DTNBP1: variants seen among roughly 807,000 people sequenced by gnomAD.
The protein encoded by DTNBP1 is dystrobrevin binding protein 1, also known as dysbindin.
A neutral mutation model predicts 42.8 loss-of-function variants in DTNBP1; 35 were observed. The ratio of observed to expected loss-of-function variants is 0.82; its 90% CI spans 0.63 to 1.09. The LOEUF is 1.09. Among genes scored for constraint, DTNBP1 ranks in the 50% least tolerant of loss-of-function variants. The pLI, the probability that DTNBP1 is intolerant of heterozygous loss-of-function variation, is 0.00. For missense variants in DTNBP1, 457 were observed against 424.2 expected, an observed-to-expected ratio of 1.08 and a Z score of -0.68; for synonymous variants, 171 against 162.2, an observed-to-expected ratio of 1.05 and a Z score of -0.41.
intron 6 of DTNBP1, among the ~76,000 whole-genome samples, chr6:15,601,869 A>AG (rs1244419147): frequency 1.3e-5 from 2 of 151,686 alleles, no homozygotes; most frequent in African/African-American, 4.8e-5. Flanking sequence ...AAAAAGAAAA[A>AG]AAAAAAAAGG....
At chr6:15,652,284 A>T (rs1262066524) in intron 1 of DTNBP1, 144 bp from the exon 2 acceptor site, 1 of 581,170 alleles carries the variant, frequency 1.7e-6, no homozygotes, top group African/African-American at 1.9e-5. Flanking sequence ...GGCCCAAGTG[A>T]TCCTCCCACC....
intron 8 of DTNBP1, among the ~76,000 whole-genome samples, chr6:15,525,526 G>A (rs942966972): frequency 9.9e-5 from 15 of 152,174 alleles, no homozygotes; most frequent in Non-Finnish European, 1.6e-4. Flanking sequence ...CATCATCCTC[G>A]CTGAAGAATA....
chr6:15,560,088 A>C (rs1774756544), intron 7 of DTNBP1, among the ~76,000 whole-genome samples: 1 of 152,198 alleles, frequency 6.6e-6, no homozygotes, highest in South Asian at 2.1e-4. Flanking sequence ...CAGGCGGATC[A>C]CATGGTCAGG....
chr6:15,619,818 T>C (rs935765228), intron 5 of DTNBP1, among the ~76,000 whole-genome samples: 3 of 152,220 alleles, frequency 2.0e-5, no homozygotes, highest in Admixed American at 2.0e-4. Flanking sequence ...AACAATCCAA[T>C]TACATTCTTT....
intron 5 of DTNBP1, among the ~76,000 whole-genome samples, chr6:15,623,181 T>A (rs947714233): frequency 6.6e-6 from 1 of 152,228 alleles, no homozygotes; most frequent in Non-Finnish European, 1.5e-5. Context: ...TTGAAGGGTC[T>A]AGCCTCAGAA....
At chr6:15,625,813 T>C (rs138645265) in intron 5 of DTNBP1, among the ~76,000 whole-genome samples, 13 of 152,302 alleles carry the variant, frequency 8.5e-5, no homozygotes, top group Non-Finnish European at 1.6e-4. Flanking sequence ...CTCAAAGAGA[T>C]ACAGGAAGAT....
chr6:15,601,028 A>G (rs1318703685), intron 6 of DTNBP1, among the ~76,000 whole-genome samples: 1 of 152,224 alleles, frequency 6.6e-6, no homozygotes. Flanking sequence ...CCAAGACCAG[A>G]GCACAAGTGA....
intron 7 of DTNBP1, chr6:15,545,936 G>A: frequency 2.7e-6 from 1 of 373,370 alleles, no homozygotes; most frequent in South Asian, 2.0e-5. Flanking sequence ...TCTGACTGCA[G>A]GGCCAGCTCA....
At chr6:15,652,839 C>G (rs1289343103) in intron 1 of DTNBP1, among the ~76,000 whole-genome samples, 1 of 152,146 alleles carries the variant, frequency 6.6e-6, no homozygotes, top group Non-Finnish European at 1.5e-5. Context: ...CCAGTCTGGT[C>G]TCTATCTCCT....
chr6:15,585,731 G>T, intron 7 of DTNBP1: 13 of 1,535,260 alleles, frequency 8.5e-6, no homozygotes, highest in Non-Finnish European at 1.1e-5. Flanking sequence ...GGATCCCTCT[G>T]ACTATTTTCG....
At chr6:15,606,321 T>C (rs969483272) in intron 6 of DTNBP1, among the ~76,000 whole-genome samples, 14 of 152,246 alleles carry the variant, frequency 9.2e-5, no homozygotes, top group African/African-American at 3.4e-4. Flanking sequence ...AAATATCATA[T>C]ATCCATTTGA....
chr6:15,537,230 C>A (rs944935252), intron 7 of DTNBP1, among the ~76,000 whole-genome samples: 1 of 151,986 alleles, frequency 6.6e-6, no homozygotes, highest in African/African-American at 2.4e-5. Context: ...ACCAGCCTGA[C>A]TAACATGGTG....
At chr6:15,524,819 C>G (rs749291632) in intron 8 of DTNBP1, 150 bp from the exon 9 acceptor site, 3 of 1,210,142 alleles carry the variant, frequency 2.5e-6, no homozygotes, top group Non-Finnish European at 3.5e-6. Flanking sequence ...TGACATATGC[C>G]AGTCTGGCAC....
At chr6:15,547,394 T>C (rs987258370) in intron 7 of DTNBP1, among the ~76,000 whole-genome samples, 10 of 152,306 alleles carry the variant, frequency 6.6e-5, no homozygotes, top group Non-Finnish European at 5.9e-5. Flanking sequence ...AAACCCCAGG[T>C]AATGCTGACA....
intron 7 of DTNBP1, among the ~76,000 whole-genome samples, chr6:15,569,353 A>ACAC (rs1775237896): frequency 7.9e-6 from 1 of 127,172 alleles, no homozygotes; most frequent in Admixed American, 8.4e-5. Context: ...GCCAGTTAAG[A>ACAC]CCCCCCCCCG....
At chr6:15,591,208 C>T (rs1776285431) in intron 7 of DTNBP1, among the ~76,000 whole-genome samples, 1 of 151,576 alleles carries the variant, frequency 6.6e-6, no homozygotes, top group South Asian at 2.1e-4. Flanking sequence ...CTCCCAGGTT[C>T]AAGCGATTCT....
chr6:15,659,367 T>A (rs1761462466), intron 1 of DTNBP1, among the ~76,000 whole-genome samples: 1 of 152,142 alleles, frequency 6.6e-6, no homozygotes, highest in African/African-American at 2.4e-5. Context: ...AGGCCTTCCA[T>A]TCCATCCCTG....
rs1412834759 is a variant in DTNBP1, at chr6:15,523,169, G to C, written c.862C>G (p.Pro288Ala). ...QNEITLQVPNPSELRAKPPSS... is the reference protein window; with the variant it reads ...QNEITLQVPNASELRAKPPSS... The stretch of plus-strand genomic sequence containing the variant: ...GGTGGCTTGGCTCTTAATTCTGAGG[G>C]ATTTGGAACCTGGAGGGTAATCTCA... Residue 288 changes from proline (P) to alanine (A), a missense_variant, in exon 10 of 10, where the codon CCC becomes GCC. Physicochemically the swap from Pro to Ala is conservative, Grantham distance 27 (BLOSUM62 -1). Transcript: ENST00000344537. The C allele has an allele frequency of 6.2e-7, 1 of 1,614,118 alleles. No individual in the cohort carries two copies. Among genetic ancestry groups the C allele is most frequent in the Non-Finnish European group, 8.5e-7 (1 of 1,180,046 alleles).
intron 6 of DTNBP1, among the ~76,000 whole-genome samples, chr6:15,613,614 C>G (rs1433015107): frequency 6.6e-6 from 1 of 152,016 alleles, no homozygotes; most frequent in Non-Finnish European, 1.5e-5. Flanking sequence ...GATCTGCCCG[C>G]CTTGGCCTCC....
Sources: allele counts gnomAD v4.1 joint callset (sites outside exome capture counted in the v4.1 genomes callset), GRCh38; gene constraint gnomAD v4.1.1; transcripts MANE v1.5; gene names NCBI Gene and HGNC (gene_info 2026-07-23, HGNC 2026-07-21).